The following CSMD1 variants were observed in gnomAD, a reference collection of about 807,000 sequenced individuals.
The protein encoded by CSMD1 is CUB and Sushi multiple domains 1.
In CSMD1, 213 loss-of-function variants were observed where a neutral mutation model predicts 417.5. The ratio of observed to expected loss-of-function variants is 0.51; its 90% CI spans 0.46 to 0.57. CSMD1 has a LOEUF of 0.57. Among genes scored for constraint, CSMD1 ranks in the 20% least tolerant of loss-of-function variants. The pLI, the probability that CSMD1 is intolerant of heterozygous loss-of-function variation, is 0.00. For synonymous variants in CSMD1, 2,862 were observed against 1,736.8 expected, an observed-to-expected ratio of 1.65 and a Z score of -16.11; for missense variants, 6,923 against 4,529.7, an observed-to-expected ratio of 1.53 and a Z score of -15.17.
intron 3 of CSMD1, among the ~76,000 whole-genome samples, chr8:4,228,658 C>T (rs953292466): frequency 1.3e-5 from 2 of 149,476 alleles, no homozygotes; most frequent in Admixed American, 6.7e-5. Context: ...TTGCAGATGA[C>T]TATCGATTGT....
chr8:3,638,605 C>A (rs1797155919), intron 7 of CSMD1, among the ~76,000 whole-genome samples: 1 of 152,146 alleles, frequency 6.6e-6, no homozygotes, highest in Non-Finnish European at 1.5e-5. Flanking sequence ...GAATGTGCTA[C>A]CTTTCTCCTG....
intron 3 of CSMD1, among the ~76,000 whole-genome samples, chr8:4,284,175 C>G (rs1375045033): frequency 6.6e-6 from 1 of 152,120 alleles, no homozygotes; most frequent in African/African-American, 2.4e-5. Flanking sequence ...CCAGACTAGG[C>G]TGGCCAACAT....
At chr8:4,004,101 C>T (rs945069862) in intron 4 of CSMD1, among the ~76,000 whole-genome samples, 3 of 152,078 alleles carry the variant, frequency 2.0e-5, no homozygotes, top group Admixed American at 6.6e-5. Context: ...AATTTATCTA[C>T]GTTAAGCTGT....
chr8:3,719,298 A>G (rs1400571781), intron 6 of CSMD1, among the ~76,000 whole-genome samples: 1 of 152,142 alleles, frequency 6.6e-6, no homozygotes, highest in Admixed American at 6.5e-5. Context: ...ACTGCCCTAG[A>G]GGCCCAGATA....
chr8:4,887,055 G>T (rs749595658), intron 1 of CSMD1, among the ~76,000 whole-genome samples: 3 of 151,904 alleles, frequency 2.0e-5, no homozygotes, highest in Admixed American at 6.6e-5. Flanking sequence ...CAATGTGCTA[G>T]GTGGAAGTTT....
In CSMD1 at chr8:3,425,056, T is replaced by C. The variant is rs536206124; in HGVS notation, c.1562-15451A>G. 7.2e-5 allele frequency among the ~76,000 whole-genome samples: 11 copies of C among 152,256 alleles called. No homozygotes were observed. In the East Asian group the frequency reaches 2.1e-3, roughly 29 times the overall value. On this transcript the variant is annotated intron_variant, in intron 12 of 69. Transcript: ENST00000635120. Reference sequence around the variant, plus strand: ...GGTCTCACTATGTTGACCAGCCTGGTTCCAAGTCCCTGGGCTCAAGCAATC... The same window carrying C: ...GGTCTCACTATGTTGACCAGCCTGGCTCCAAGTCCCTGGGCTCAAGCAATC...
chr8:4,139,514 G>C (rs1803648317), intron 3 of CSMD1, among the ~76,000 whole-genome samples: 1 of 146,760 alleles, frequency 6.8e-6, no homozygotes, highest in Non-Finnish European at 1.5e-5. Context: ...ATTCAGTGTT[G>C]TGGATCTCAG....
chr8:3,930,236 C>T (rs1479865559), intron 5 of CSMD1, among the ~76,000 whole-genome samples: 1 of 150,330 alleles, frequency 6.7e-6, no homozygotes, highest in African/African-American at 2.5e-5. Context: ...AGAGGTCCTT[C>T]TTCAAAGACT....
At chr8:3,437,867 C>G (rs1814675368) in intron 12 of CSMD1, among the ~76,000 whole-genome samples, 1 of 151,992 alleles carries the variant, frequency 6.6e-6, no homozygotes, top group Admixed American at 6.6e-5. Flanking sequence ...CTTGTTTCAG[C>G]CACCCGAGTA....
chr8:3,196,558 G>A (rs1002419081), intron 33 of CSMD1, among the ~76,000 whole-genome samples: 4 of 152,080 alleles, frequency 2.6e-5, no homozygotes, highest in African/African-American at 9.7e-5. Flanking sequence ...CTTCAGGAGG[G>A]GAATAATTAG....
chr8:4,757,775 A>G (rs753838825), intron 1 of CSMD1, among the ~76,000 whole-genome samples: 3 of 152,054 alleles, frequency 2.0e-5, no homozygotes, highest in African/African-American at 4.8e-5. Flanking sequence ...CCTGGCCAAC[A>G]TGGTGAAACC....
intron 25 of CSMD1, among the ~76,000 whole-genome samples, chr8:3,285,819 G>A (rs902027234): frequency 6.6e-6 from 1 of 150,848 alleles, no homozygotes; most frequent in African/African-American, 2.4e-5. Flanking sequence ...ATCCCCATTT[G>A]TGTATATATA....
intron 29 of CSMD1, among the ~76,000 whole-genome samples, chr8:3,217,047 C>G (rs777571916): frequency 1.3e-5 from 2 of 151,916 alleles, no homozygotes; most frequent in African/African-American, 4.8e-5. Context: ...CATCACTGCC[C>G]TAGGCTGCAT....
chr8:3,363,671 G>A (rs1021932041), intron 20 of CSMD1, among the ~76,000 whole-genome samples: 1 of 152,158 alleles, frequency 6.6e-6, no homozygotes, highest in African/African-American at 2.4e-5. Context: ...GCGACCACAG[G>A]CGCCTGCCAC....
chr8:3,702,845 A>C (rs1457035588), intron 7 of CSMD1, among the ~76,000 whole-genome samples: 1 of 152,134 alleles, frequency 6.6e-6, no homozygotes, highest in African/African-American at 2.4e-5. Context: ...AAACAAATAT[A>C]TACAGTGTCA....
intron 3 of CSMD1, among the ~76,000 whole-genome samples, chr8:4,344,051 G>C (rs972536947): frequency 6.6e-6 from 1 of 152,194 alleles, no homozygotes; most frequent in African/African-American, 2.4e-5. Context: ...GTGTGTGTAT[G>C]TGCGTGTGCG....
chr8:4,238,856 T>A (rs1161948860), intron 3 of CSMD1, among the ~76,000 whole-genome samples: 1 of 152,186 alleles, frequency 6.6e-6, no homozygotes, highest in African/African-American at 2.4e-5. Flanking sequence ...TTTTTAAAAA[T>A]CGATAGCAAA....
At chr8:3,656,076 A>G (rs1419933113) in intron 7 of CSMD1, among the ~76,000 whole-genome samples, 4 of 152,110 alleles carry the variant, frequency 2.6e-5, no homozygotes, top group South Asian at 4.1e-4. Context: ...AATGCCCAGC[A>G]CCCCTGCTAC....
intron 5 of CSMD1, among the ~76,000 whole-genome samples, chr8:3,948,286 A>G (rs1399032738): frequency 6.6e-6 from 1 of 152,180 alleles, no homozygotes; most frequent in Non-Finnish European, 1.5e-5. Flanking sequence ...AATAAAAACA[A>G]AAAGTCATGT....
Sources: gnomAD v4.1 joint callset for allele counts (sites outside exome capture counted in the v4.1 genomes callset) on GRCh38, gnomAD v4.1.1 for gene constraint, MANE v1.5 for transcripts, NCBI Gene and HGNC (gene_info 2026-07-23, HGNC 2026-07-21) for gene names.